The following TUSC3 variants were observed in gnomAD, a reference collection of about 807,000 sequenced individuals.
The protein encoded by TUSC3 is tumor suppressor candidate 3, also known as dolichyl-diphosphooligosaccharide--protein glycosyltransferase subunit TUSC3.
Under a neutral mutation model 44.8 loss-of-function variants are expected in TUSC3, and 45 were observed. The observed-to-expected ratio is 1.00, with a 90% CI of 0.79 to 1.29. The LOEUF (loss-of-function observed/expected upper bound fraction) is 1.29, where lower values mean the gene tolerates loss of function less well. TUSC3 is among the 50% of genes most tolerant of loss of function. The pLI, the probability that TUSC3 is intolerant of heterozygous loss-of-function variation, is 0.00. For synonymous variants in TUSC3, 212 were observed against 152.9 expected, an observed-to-expected ratio of 1.39 and a Z score of -2.85; for missense variants, 519 against 437.9, an observed-to-expected ratio of 1.19 and a Z score of -1.65.
the TUSC3 span, among the ~76,000 whole-genome samples, chr8:15,827,994 CTTTT>C: frequency 2.9e-5 from 4 of 138,138 alleles, no homozygotes; most frequent in African/African-American, 2.7e-5. Context: ...AATTTGGTAT[CTTTT>C]TTTTTTTTTT....
At chr8:15,562,358 TATCTC>T in intron 1 of TUSC3, among the ~76,000 whole-genome samples, 1 of 152,304 alleles carries the variant, frequency 6.6e-6, no homozygotes, top group East Asian at 1.9e-4. Flanking sequence ...CCATCCGTCT[TATCTC>T]CTCTCCCTTA....
intron 1 of TUSC3, among the ~76,000 whole-genome samples, chr8:15,544,489 G>A (rs1299070263): frequency 6.6e-6 from 1 of 151,708 alleles, no homozygotes; most frequent in Non-Finnish European, 1.5e-5. Flanking sequence ...ATGAAAAATT[G>A]AAGAGCTCAT....
chr8:15,473,804 G>A (rs1156343461), intron 1 of TUSC3, among the ~76,000 whole-genome samples: 2 of 152,144 alleles, frequency 1.3e-5, no homozygotes, highest in East Asian at 1.9e-4. Context: ...AGGCAAAACA[G>A]AACTACTGAT....
intron 1 of TUSC3, chr8:15,483,372 C>A: frequency 4.7e-6 from 1 of 214,698 alleles, no homozygotes; most frequent in Non-Finnish European, 9.4e-6. Flanking sequence ...CGGAGTTTCA[C>A]TGTCATTGCC....
At chr8:15,610,041 T>A (rs1266463602) in intron 1 of TUSC3, among the ~76,000 whole-genome samples, 2 of 152,154 alleles carry the variant, frequency 1.3e-5, no homozygotes, top group Non-Finnish European at 2.9e-5. Context: ...TTGCTGTTGA[T>A]CACATAACTA....
At chr8:15,746,226 G>A (rs995444408) in intron 8 of TUSC3, among the ~76,000 whole-genome samples, 7 of 152,032 alleles carry the variant, frequency 4.6e-5, no homozygotes, top group Non-Finnish European at 1.0e-4. Context: ...GTAGCAATAT[G>A]ATACTCAATT....
At chr8:15,815,749 G>T in the TUSC3 span, among the ~76,000 whole-genome samples, 1 of 152,066 alleles carries the variant, frequency 6.6e-6, no homozygotes, top group Non-Finnish European at 1.5e-5. Context: ...CAAATCTCTT[G>T]ATTCAGATAA....
intron 1 of TUSC3, among the ~76,000 whole-genome samples, chr8:15,574,545 C>G (rs1803015988): frequency 6.6e-6 from 1 of 152,054 alleles, no homozygotes; most frequent in African/African-American, 2.4e-5. Flanking sequence ...TGGGTCTGGA[C>G]AATAGATATT....
At chr8:15,762,857 T>A (rs1812213331) in intron 10 of TUSC3, among the ~76,000 whole-genome samples, 1 of 151,882 alleles carries the variant, frequency 6.6e-6, no homozygotes, top group Non-Finnish European at 1.5e-5. Flanking sequence ...TCATGCGGAT[T>A]GAACAGCAAC....
chr8:15,767,645 G>A (rs1812367320), downstream of TUSC3, among the ~76,000 whole-genome samples: 3 of 152,100 alleles, frequency 2.0e-5, no homozygotes, highest in African/African-American at 2.4e-5. Context: ...TTCCTTATGT[G>A]GGTTCCTGGC....
chr8:15,660,775 GT>G (rs1335969546), intron 4 of TUSC3, among the ~76,000 whole-genome samples: 1 of 151,148 alleles, frequency 6.6e-6, no homozygotes, highest in East Asian at 1.9e-4. Flanking sequence ...CATTTAGTTG[GT>G]GCAAGACATT....
At chr8:15,564,353 A>T (rs1161286804) in intron 1 of TUSC3, among the ~76,000 whole-genome samples, 2 of 152,202 alleles carry the variant, frequency 1.3e-5, no homozygotes, top group African/African-American at 4.8e-5. Context: ...ATATTCATAT[A>T]CAAATCTTAA....
At chr8:15,674,954 G>C (rs148842348) in intron 6 of TUSC3, among the ~76,000 whole-genome samples, 3 of 151,718 alleles carry the variant, frequency 2.0e-5, no homozygotes, top group Non-Finnish European at 4.4e-5. Context: ...CCTTCCTGAC[G>C]ACACTATTTA....
chr8:15,675,171 C>T (rs760039800), intron 6 of TUSC3, among the ~76,000 whole-genome samples: 5 of 152,102 alleles, frequency 3.3e-5, no homozygotes, highest in Non-Finnish European at 5.9e-5. Context: ...GTCACTGATA[C>T]ATTTCTGTTA....
intron 6 of TUSC3, among the ~76,000 whole-genome samples, chr8:15,696,264 C>G (rs4529463): frequency 0.86 from 130,799 of 152,122 alleles, 56,582 homozygotes; most frequent in Non-Finnish European, 0.9. Flanking sequence ...GAGACTAGAA[C>G]GGGCCAAGGT....
At chr8:15,601,002 C>T (rs1804265322) in intron 1 of TUSC3, among the ~76,000 whole-genome samples, 1 of 151,538 alleles carries the variant, frequency 6.6e-6, no homozygotes, top group African/African-American at 2.4e-5. Context: ...AAGAAATACA[C>T]AGGTTCACTG....
the TUSC3 span, among the ~76,000 whole-genome samples, chr8:15,800,021 T>C: frequency 6.6e-6 from 1 of 152,132 alleles, no homozygotes; most frequent in African/African-American, 2.4e-5. Context: ...GAACCCCAAT[T>C]GTTTATAACG....
chr8:15,449,211 CA>C (rs765758954), intron 1 of TUSC3, among the ~76,000 whole-genome samples: 1 of 152,032 alleles, frequency 6.6e-6, no homozygotes, highest in Admixed American at 6.6e-5. Flanking sequence ...AGGAAGCGGC[CA>C]AATATACATA....
intron 5 of TUSC3, among the ~76,000 whole-genome samples, chr8:15,666,907 T>A (rs1224818531): frequency 1.3e-5 from 2 of 151,534 alleles, no homozygotes; most frequent in Non-Finnish European, 3.0e-5. Flanking sequence ...CGTATATTTT[T>A]AGGATATACT....
Sources: gnomAD v4.1 joint callset for allele counts (sites outside exome capture counted in the v4.1 genomes callset) on GRCh38, gnomAD v4.1.1 for gene constraint, MANE v1.5 for transcripts, NCBI Gene and HGNC (gene_info 2026-07-23, HGNC 2026-07-21) for gene names.